The following SAMTOR variants were observed in gnomAD, a reference collection of about 807,000 sequenced individuals.
The protein encoded by SAMTOR is S-adenosylmethionine sensor upstream of mTORC1.
At chr7:112,929,263 T>TA in the SAMTOR span, among the ~76,000 whole-genome samples, 2 of 151,542 alleles carry the variant, frequency 1.3e-5, no homozygotes, top group Admixed American at 6.6e-5. Flanking sequence ...ATAATCTGAC[T>TA]AAAAAATGGG....
the SAMTOR span, among the ~76,000 whole-genome samples, chr7:112,936,794 T>C: frequency 6.6e-6 from 1 of 152,104 alleles, no homozygotes; most frequent in Non-Finnish European, 1.5e-5. Context: ...TCACCTTGTA[T>C]AGCCCCAACT....
chr7:112,829,849 G>C, the SAMTOR span, among the ~76,000 whole-genome samples: 1 of 152,130 alleles, frequency 6.6e-6, no homozygotes. Context: ...GATGGGAACA[G>C]GTACAATATT....
the SAMTOR span, among the ~76,000 whole-genome samples, chr7:112,926,821 C>T: frequency 1.5e-3 from 234 of 152,122 alleles, no homozygotes; most frequent in African/African-American, 5.4e-3. Flanking sequence ...GACGGGTTCC[C>T]TATATCCTAT....
the SAMTOR span, chr7:112,832,497 C>G: frequency 1.1e-6 from 1 of 903,458 alleles, no homozygotes; most frequent in African/African-American, 1.7e-5. Context: ...GATGCAAAGA[C>G]AGTGCTTTTC....
the SAMTOR span, among the ~76,000 whole-genome samples, chr7:112,883,271 A>G: frequency 1.3e-5 from 2 of 152,120 alleles, no homozygotes; most frequent in Non-Finnish European, 2.9e-5. Flanking sequence ...TGACCCTGCT[A>G]TTCTAAATAT....
chr7:112,851,784 A>C, the SAMTOR span, among the ~76,000 whole-genome samples: 1 of 152,230 alleles, frequency 6.6e-6, no homozygotes, highest in Non-Finnish European at 1.5e-5. Context: ...CAGAATTTAA[A>C]GGGAATTCAA....
the SAMTOR span, among the ~76,000 whole-genome samples, chr7:112,919,403 G>T: frequency 4.6e-5 from 7 of 152,004 alleles, no homozygotes; most frequent in African/African-American, 1.7e-4. Flanking sequence ...AAACCAACGA[G>T]AACAAAGATA....
chr7:112,902,430 A>C, the SAMTOR span, among the ~76,000 whole-genome samples: 213 of 48,438 alleles, frequency 4.4e-3, 21 homozygotes, highest in African/African-American at 0.015. Context: ...AAAAAAAAAC[A>C]AAAAAAAACA....
the SAMTOR span, among the ~76,000 whole-genome samples, chr7:112,881,400 T>C: frequency 6.6e-6 from 1 of 152,102 alleles, no homozygotes; most frequent in Admixed American, 6.5e-5. Flanking sequence ...AGATGGAGTC[T>C]ACCACCCAGA....
chr7:112,926,295 A>G, the SAMTOR span, among the ~76,000 whole-genome samples: 282 of 152,316 alleles, frequency 1.9e-3, 2 homozygotes, highest in African/African-American at 6.5e-3. Context: ...CCATGTCACT[A>G]TATACTTTGA....
the SAMTOR span, among the ~76,000 whole-genome samples, chr7:112,845,048 T>C: frequency 1.3e-5 from 2 of 152,110 alleles, no homozygotes; most frequent in Non-Finnish European, 2.9e-5. Flanking sequence ...ATGCAGAAGA[T>C]TGAAACTAGA....
At chr7:112,934,533 T>A in the SAMTOR span, among the ~76,000 whole-genome samples, 8 of 152,216 alleles carry the variant, frequency 5.3e-5, no homozygotes, top group Admixed American at 1.3e-4. Context: ...ATCTTCAAAG[T>A]CTGTCTTCTT....
chr7:112,919,776 G>A, the SAMTOR span, among the ~76,000 whole-genome samples: 30 of 151,828 alleles, frequency 2.0e-4, no homozygotes, highest in African/African-American at 4.6e-4. Context: ...TATCACCACC[G>A]ATCCCACAGA....
chr7:112,930,033 C>T, the SAMTOR span, among the ~76,000 whole-genome samples: 3 of 152,018 alleles, frequency 2.0e-5, no homozygotes, highest in African/African-American at 7.2e-5. Flanking sequence ...TTTAGAAATT[C>T]AGAACAATTT....
chr7:112,833,646 A>T, the SAMTOR span, among the ~76,000 whole-genome samples: 10,943 of 152,254 alleles, frequency 0.072, 459 homozygotes, highest in South Asian at 0.14. Context: ...GTCTTAAAAA[A>T]ATATACTTCT....
chr7:112,872,109 G>A, the SAMTOR span, among the ~76,000 whole-genome samples: 30 of 152,130 alleles, frequency 2.0e-4, 1 homozygote, highest in Admixed American at 1.7e-3. Context: ...GGAGGAATTC[G>A]TTCCTAACTC....
chr7:112,907,317 A>G, the SAMTOR span, among the ~76,000 whole-genome samples: 2 of 152,220 alleles, frequency 1.3e-5, no homozygotes, highest in Non-Finnish European at 2.9e-5. Flanking sequence ...TTCACAAGAA[A>G]GACCAAATTT....
chr7:112,822,372 C>G, the SAMTOR span: 1 of 1,583,172 alleles, frequency 6.3e-7, no homozygotes, highest in Non-Finnish European at 8.6e-7. Context: ...TTTATAGACA[C>G]TCTGCAGAAA....
chr7:112,867,977 C>T, the SAMTOR span, among the ~76,000 whole-genome samples: 1 of 152,158 alleles, frequency 6.6e-6, no homozygotes, highest in Non-Finnish European at 1.5e-5. Flanking sequence ...GGAGCATGAA[C>T]CCTACTGTGA....
Sources: gnomAD v4.1 joint callset for allele counts (sites outside exome capture counted in the v4.1 genomes callset) on GRCh38, gnomAD v4.1.1 for gene constraint, MANE v1.5 for transcripts, NCBI Gene and HGNC (gene_info 2026-07-23, HGNC 2026-07-21) for gene names.